The following DDHD1 variants were observed in gnomAD, a reference collection of about 807,000 sequenced individuals.
DDHD1 encodes the protein phospholipase DDHD1.
In DDHD1, 49 loss-of-function variants were observed where a neutral mutation model predicts 96.4. That is an observed-to-expected ratio of 0.51 (90% CI 0.40 to 0.64). The LOEUF (loss-of-function observed/expected upper bound fraction) is 0.64. Among genes scored for constraint, DDHD1 ranks in the 30% least tolerant of loss-of-function variants. The pLI is 0.00. For missense variants in DDHD1, 1,106 were observed against 1,161.2 expected, an observed-to-expected ratio of 0.95 and a Z score of 0.69; for synonymous variants, 442 against 446.5, an observed-to-expected ratio of 0.99 and a Z score of 0.13.
intron 1 of DDHD1, among the ~76,000 whole-genome samples, chr14:53,113,788 C>T (rs542897524): frequency 1.3e-5 from 2 of 152,288 alleles, no homozygotes; most frequent in African/African-American, 4.8e-5. Context: ...GCTTCAAGCA[C>T]ATAACTGGGC....
intron 1 of DDHD1, among the ~76,000 whole-genome samples, chr14:53,110,170 C>G (rs1482685514): frequency 1.3e-5 from 2 of 152,196 alleles, no homozygotes; most frequent in Non-Finnish European, 2.9e-5. Context: ...GCTGTTTATT[C>G]CATCTCCTAA....
Position 53,073,795 on chromosome 14 carries a change from T to C in DDHD1, c.1342A>G (p.Thr448Ala), listed in dbSNP as rs1884727925. 1 of 1,611,410 alleles carries C rather than the reference T, an allele frequency of 6.2e-7. No homozygotes were observed. Among genetic ancestry groups the C allele is most frequent in the Non-Finnish European group, 8.5e-7 (1 of 1,178,240 alleles). ...IEERHFSNHA[T>A]HVEFLPVEWR... ...TCAACAGGCAGAAATTCAACATGTG[T>C]TGCATGGTTGGAAAAATGCCTTTCT... Residue 448 changes from threonine (T) to alanine (A), a missense_variant, in exon 5 of 13, where the codon ACA becomes GCA. This residue lies in a region of DDHD1 where 650 missense variants were observed against 758.8 expected (regional missense o/e 0.86). Transcript: ENST00000673822.
intron 1 of DDHD1, among the ~76,000 whole-genome samples, chr14:53,145,003 A>G (rs982022125): frequency 1.2e-4 from 18 of 152,062 alleles, no homozygotes; most frequent in African/African-American, 4.1e-4. Flanking sequence ...TATAAAACTT[A>G]GCCAGGCGTG....
intron 6 of DDHD1, among the ~76,000 whole-genome samples, chr14:53,067,746 C>T (rs146616697): frequency 1.3e-5 from 2 of 152,172 alleles, no homozygotes; most frequent in African/African-American, 2.4e-5. Context: ...CATCAGCCAC[C>T]GTGCCCTGCC....
intron 1 of DDHD1, among the ~76,000 whole-genome samples, chr14:53,120,983 A>G (rs1041883591): frequency 3.3e-5 from 5 of 152,232 alleles, no homozygotes; most frequent in African/African-American, 9.6e-5. Flanking sequence ...AGCAAAATAA[A>G]CTATCATCAG....
chr14:53,075,375 C>A (rs915386620), intron 4 of DDHD1, among the ~76,000 whole-genome samples: 1 of 152,044 alleles, frequency 6.6e-6, no homozygotes, highest in African/African-American at 2.4e-5. Context: ...GATAGAAGAC[C>A]AAAACAGCTA....
intron 1 of DDHD1, among the ~76,000 whole-genome samples, chr14:53,151,691 A>T (rs942064940): frequency 2.0e-5 from 3 of 152,252 alleles, no homozygotes; most frequent in Non-Finnish European, 2.9e-5. Flanking sequence ...CCAGTATTCC[A>T]CCGAGGGAGC....
intron 2 of DDHD1, chr14:53,096,097 TAA>T: frequency 1.0e-6 from 1 of 969,656 alleles, no homozygotes; most frequent in South Asian, 4.8e-5. Context: ...CATGGAGAAA[TAA>T]AACTACAATT....
intron 1 of DDHD1, among the ~76,000 whole-genome samples, chr14:53,148,971 G>C (rs1891175983): frequency 6.6e-6 from 1 of 152,184 alleles, no homozygotes; most frequent in South Asian, 2.1e-4. Flanking sequence ...GCAAACAAGA[G>C]AGTTCACTTA....
At chr14:53,152,202 G>C (rs951109936) in intron 1 of DDHD1, 59 bp downstream of exon 1, 2 of 1,487,088 alleles carry the variant, frequency 1.3e-6, no homozygotes, top group Non-Finnish European at 1.8e-6. Context: ...ACCCACACCG[G>C]TGCGCATCGG....
chr14:53,055,703 G>C lies in DDHD1; in HGVS notation c.2202C>G (p.His734Gln). The stretch of plus-strand genomic sequence containing the variant: ...CTATATTTGTTATAGATTCTCCATA[G>C]TGTCGGCGGGACAAAACTGGTGAGG... ...PVTSPVLSRRHYGESITNIGK... is the reference protein window; with the variant it reads ...PVTSPVLSRRQYGESITNIGK... Residue 734 changes from histidine to glutamine, a missense_variant, in exon 10 of 13, where the codon CAC becomes CAG. His to Gln is a conservative substitution (Grantham distance 24). Around this residue, in one of 2 missense-constraint regions of DDHD1, gnomAD observed 650 missense variants for 758.8 expected, o/e 0.86. Transcript: ENST00000673822. 5 of 1,614,068 alleles carry C rather than the reference G, an allele frequency of 3.1e-6. No homozygotes were observed. Among genetic ancestry groups the C allele is most frequent in the Non-Finnish European group, 4.2e-6 (5 of 1,179,958 alleles).
chr14:53,088,643 AT>A (rs1479881980), intron 4 of DDHD1, among the ~76,000 whole-genome samples: 3 of 152,226 alleles, frequency 2.0e-5, no homozygotes, highest in Non-Finnish European at 4.4e-5. Flanking sequence ...AAAACTCTCA[AT>A]AAACTAGGTA....
At chr14:53,127,425 G>C (rs376588571) in intron 1 of DDHD1, among the ~76,000 whole-genome samples, 1 of 152,178 alleles carries the variant, frequency 6.6e-6, no homozygotes, top group Non-Finnish European at 1.5e-5. Flanking sequence ...TCACTGCAGG[G>C]TTACAATGGG....
chr14:53,112,180 G>A (rs1389812057), intron 1 of DDHD1, among the ~76,000 whole-genome samples: 1 of 152,122 alleles, frequency 6.6e-6, no homozygotes, highest in Non-Finnish European at 1.5e-5. Context: ...ACTCTGAGAG[G>A]CCGAAGTGGG....
At chr14:53,119,313 A>G (rs1888804402) in intron 1 of DDHD1, among the ~76,000 whole-genome samples, 1 of 152,226 alleles carries the variant, frequency 6.6e-6, no homozygotes, top group South Asian at 2.1e-4. Flanking sequence ...AAATGTAACA[A>G]TATTAACCTT....
rs1644296108 is a variant in DDHD1 at position 53,055,560 on chromosome 14, T to C, written c.2245+100A>G. 36 of 1,194,778 alleles carry C rather than the reference T, an allele frequency of 3.0e-5. No individual in the cohort carries two copies. In the South Asian group the frequency reaches 5.0e-4, roughly 17 times the overall value. The allele number at this position is 1,194,778 out of a possible 1,614,324, so 74.0% of individuals were successfully genotyped here. A position where few individuals can be genotyped will look rare whatever the true frequency, so the allele number is the denominator to read the frequency against. ...GTTAATTCTAGACACAGGGATTAAC[T>C]GCTGGGAGTTTCCTAATACATAGAA... On this transcript the variant is annotated intron_variant, in intron 10 of 12. Transcript: ENST00000673822.
intron 5 of DDHD1, among the ~76,000 whole-genome samples, 172 bp from the exon 6 acceptor site, chr14:53,072,875 A>T (rs947809666): frequency 1.4e-5 from 2 of 147,518 alleles, no homozygotes; most frequent in Admixed American, 1.3e-4. Flanking sequence ...ATACTTCAAG[A>T]AAAAAAAAAC....
chr14:53,151,920 G>C (rs1891410375), intron 1 of DDHD1, among the ~76,000 whole-genome samples: 6 of 152,194 alleles, frequency 3.9e-5, no homozygotes, highest in Admixed American at 3.9e-4. Flanking sequence ...GACAGAACCA[G>C]ATCCCCAGGT....
At chr14:53,123,197 A>G (rs191931446) in intron 1 of DDHD1, among the ~76,000 whole-genome samples, 35 of 150,632 alleles carry the variant, frequency 2.3e-4, no homozygotes, top group Admixed American at 2.1e-3. Flanking sequence ...CCCAGGCTGG[A>G]GTGCAGTGGT....
Sources: allele counts gnomAD v4.1 joint callset (sites outside exome capture counted in the v4.1 genomes callset), GRCh38; gene constraint gnomAD v4.1.1; regional missense constraint gnomAD v4.1.1; transcripts MANE v1.5; gene names NCBI Gene and HGNC (gene_info 2026-07-23, HGNC 2026-07-21).